The following SNX18 variants were observed in gnomAD, a reference collection of about 807,000 sequenced individuals.
SNX18 encodes the protein sorting nexin-18.
SNX18 carries 35 observed loss-of-function variants against 48.7 expected under a neutral mutation model. That is an observed-to-expected ratio of 0.72 (90% CI 0.55 to 0.95). The LOEUF is 0.95. Ranked by LOEUF, SNX18 falls within the 40% of genes least tolerant of loss-of-function variation. The pLI, the probability that SNX18 is intolerant of heterozygous loss-of-function variation, is 0.00. For synonymous variants in SNX18, 492 were observed against 384.7 expected (o/e 1.28, Z -3.26); for missense variants, 824 against 871.0 (o/e 0.95, Z 0.68).
chr5:54,526,157 T>G (rs575366215), intron 1 of SNX18, among the ~76,000 whole-genome samples: 52 of 152,328 alleles, frequency 3.4e-4, no homozygotes, highest in African/African-American at 1.2e-3. Context: ...TAGGCTGCAG[T>G]GCAGTGATGC....
At chr5:54,631,233 CTT>C in the SNX18 span, among the ~76,000 whole-genome samples, 1 of 152,188 alleles carries the variant, frequency 6.6e-6, no homozygotes, top group Non-Finnish European at 1.5e-5. Flanking sequence ...AGAAGGCACT[CTT>C]TTATTTAGTG....
the SNX18 span, among the ~76,000 whole-genome samples, chr5:54,563,616 A>G: frequency 6.6e-6 from 1 of 152,158 alleles, no homozygotes; most frequent in Non-Finnish European, 1.5e-5. Context: ...CCTGTTGTGA[A>G]ATGACACATG....
At chr5:54,629,777 G>A in the SNX18 span, among the ~76,000 whole-genome samples, 1 of 152,224 alleles carries the variant, frequency 6.6e-6, no homozygotes, top group Non-Finnish European at 1.5e-5. Flanking sequence ...GGAAGAGTTT[G>A]TGGATATCTC....
chr5:54,536,501 T>A (rs916427942), intron 1 of SNX18, among the ~76,000 whole-genome samples: 1 of 152,060 alleles, frequency 6.6e-6, no homozygotes, highest in African/African-American at 2.4e-5. Context: ...GTCCTTGCAG[T>A]AGTTTGCTCA....
the SNX18 span, among the ~76,000 whole-genome samples, chr5:54,561,111 C>T: frequency 7.2e-5 from 11 of 152,196 alleles, no homozygotes; most frequent in South Asian, 4.1e-4. Context: ...GTCATGATCT[C>T]GGCTCACCGC....
At chr5:54,622,274 G>A in the SNX18 span, among the ~76,000 whole-genome samples, 376 of 152,304 alleles carry the variant, frequency 2.5e-3, 3 homozygotes, top group African/African-American at 8.7e-3. Flanking sequence ...CAAGGTCGGA[G>A]GATCACTTGA....
intron 1 of SNX18, among the ~76,000 whole-genome samples, chr5:54,542,730 T>C (rs1762495400): frequency 6.6e-6 from 1 of 152,250 alleles, no homozygotes; most frequent in Non-Finnish European, 1.5e-5. Flanking sequence ...AGTGAGACTT[T>C]CTGAGGAAGT....
At position 54,530,580 on chromosome 5, in the gene SNX18, A is replaced by G. The variant is rs141248698; in HGVS notation, c.1621+11007A>G. The stretch of plus-strand genomic sequence containing the variant: ...ACGTTTAATCATAATCAAAATAGCT[A>G]TCATGTTTTGAAGACTTCCTGAGTG... On this transcript the variant is annotated intron_variant, in intron 1 of 1. Coordinates refer to ENST00000381410, the MANE Select transcript of SNX18 (RefSeq NM_001102575.2). 1.4e-4 allele frequency among the ~76,000 whole-genome samples: 21 copies of G among 152,122 alleles called. 1 individual carries two copies. Among genetic ancestry groups the G allele is most frequent in the South Asian group, 4.2e-4 (2 of 4,812 alleles).
At chr5:54,633,291 T>C in the SNX18 span, among the ~76,000 whole-genome samples, 18 of 152,042 alleles carry the variant, frequency 1.2e-4, no homozygotes, top group Non-Finnish European at 2.2e-4. Context: ...AAGTTTGAGT[T>C]TTGTATCCCA....
chr5:54,611,743 G>GA, the SNX18 span, among the ~76,000 whole-genome samples: 14 of 152,270 alleles, frequency 9.2e-5, no homozygotes, highest in Middle Eastern at 3.4e-3. Flanking sequence ...AAAGAAAGGA[G>GA]AAGTGGGGGT....
At chr5:54,520,616 G>C (rs946943014) in intron 1 of SNX18, 2 of 166,976 alleles carry the variant, frequency 1.2e-5, no homozygotes, top group Non-Finnish European at 2.9e-5. Flanking sequence ...GGGCCAGTCC[G>C]TTTATGAGCA....
intron 1 of SNX18, chr5:54,520,111 G>T: frequency 2.7e-6 from 1 of 375,170 alleles, no homozygotes; most frequent in Non-Finnish European, 5.0e-6. Context: ...ATTCTTGCCT[G>T]CAACCTTTAC....
the SNX18 span, among the ~76,000 whole-genome samples, chr5:54,598,991 T>G: frequency 1.3e-5 from 2 of 152,214 alleles, no homozygotes; most frequent in Non-Finnish European, 2.9e-5. Context: ...CCCCATTGTC[T>G]CAGCCCAAAA....
chr5:54,520,453 G>A (rs1347827847), intron 1 of SNX18: 1 of 167,428 alleles, frequency 6.0e-6, no homozygotes, highest in East Asian at 1.9e-4. Context: ...AGAGAATGGG[G>A]AGGTGTGGGA....
the SNX18 span, among the ~76,000 whole-genome samples, chr5:54,581,890 T>TG: frequency 1.3e-5 from 2 of 152,200 alleles, no homozygotes; most frequent in Admixed American, 6.5e-5. Context: ...CTAAGCCCTC[T>TG]GTGTTAGGGG....
chr5:54,533,612 A>C (rs1561118848), intron 1 of SNX18, among the ~76,000 whole-genome samples: 1 of 152,184 alleles, frequency 6.6e-6, no homozygotes, highest in Non-Finnish European at 1.5e-5. Context: ...AAAATTATTT[A>C]GTTTCTCTGA....
At chr5:54,595,309 C>G in the SNX18 span, among the ~76,000 whole-genome samples, 3,342 of 152,280 alleles carry the variant, frequency 0.022, 128 homozygotes, top group African/African-American at 0.076. Flanking sequence ...AATCTCAGCT[C>G]ACTGTAACCT....
At chr5:54,533,829 A>G (rs768740644) in intron 1 of SNX18, among the ~76,000 whole-genome samples, 1 of 152,212 alleles carries the variant, frequency 6.6e-6, no homozygotes, top group Non-Finnish European at 1.5e-5. Flanking sequence ...GCTCAAAACA[A>G]TATGAAAAAG....
At chr5:54,639,299 T>A in the SNX18 span, among the ~76,000 whole-genome samples, 17,910 of 151,728 alleles carry the variant, frequency 0.12, 1,178 homozygotes, top group African/African-American at 0.18. Context: ...AAAAAAAAAT[T>A]TTTCAGAAAA....
Sources: gnomAD v4.1 joint callset for allele counts (sites outside exome capture counted in the v4.1 genomes callset) on GRCh38, gnomAD v4.1.1 for gene constraint, MANE v1.5 for transcripts, NCBI Gene and HGNC (gene_info 2026-07-23, HGNC 2026-07-21) for gene names.